The following EPCAM variants were observed in gnomAD, a reference collection of about 807,000 sequenced individuals.
EPCAM encodes adenocarcinoma-associated antigen.
Under a neutral mutation model 40.0 loss-of-function variants are expected in EPCAM, and 39 were observed. The observed-to-expected ratio is 0.98, with a 90% confidence interval of 0.76 to 1.27. The LOEUF is 1.27. Ranked by LOEUF, EPCAM falls within the 50% of genes most tolerant of loss-of-function variation. The probability of loss-of-function intolerance (pLI) is 0.00; values close to 1 mark genes in which losing one functional copy is unlikely to be tolerated. For missense variants in EPCAM, 503 were observed against 381.2 expected (o/e 1.32, Z -2.66); for synonymous variants, 168 against 132.3 (o/e 1.27, Z -1.85).
intron 1 of EPCAM, among the ~76,000 whole-genome samples, chr2:47,371,359 C>A (rs1005986461): frequency 6.6e-6 from 1 of 152,022 alleles, no homozygotes; most frequent in Non-Finnish European, 1.5e-5. Context: ...TTCCCAGGCT[C>A]AAGCGATGCT....
chr2:47,385,832 A>G (rs1215478053), intron 8 of EPCAM, among the ~76,000 whole-genome samples: 1 of 152,226 alleles, frequency 6.6e-6, no homozygotes, highest in Non-Finnish European at 1.5e-5. Flanking sequence ...TAATGGAACC[A>G]GAAAGTTCTA....
chr2:47,374,857 C>T (rs917501407), intron 3 of EPCAM, among the ~76,000 whole-genome samples: 2 of 152,066 alleles, frequency 1.3e-5, no homozygotes, highest in African/African-American at 4.8e-5. Context: ...AGGCTGGTCT[C>T]CAACTCCTGA....
At chr2:47,380,063 C>G (rs1671548842) in intron 7 of EPCAM, 94 bp downstream of exon 7, 1 of 1,541,142 alleles carries the variant, frequency 6.5e-7, no homozygotes, top group Non-Finnish European at 8.8e-7. Flanking sequence ...CACCTGTTAT[C>G]CCTACACTTT....
chr2:47,379,707 T>C (rs1671529237), intron 6 of EPCAM, 62 bp from the exon 7 acceptor site: 1 of 1,580,592 alleles, frequency 6.3e-7, no homozygotes, highest in South Asian at 1.1e-5. Flanking sequence ...TGTATGTAAT[T>C]ATATGTGGCC....
intron 7 of EPCAM, among the ~76,000 whole-genome samples, chr2:47,381,085 CAAAAAAAAAAAA>C (rs60299402): frequency 2.8e-4 from 11 of 39,016 alleles, no homozygotes; most frequent in East Asian, 8.3e-4. Context: ...GACTCTGTCT[CAAAAAAAAAAAA>C]AAAAAAAAAA....
chr2:47,385,661 C>T (rs1022257800), intron 8 of EPCAM, among the ~76,000 whole-genome samples: 7 of 152,182 alleles, frequency 4.6e-5, no homozygotes, highest in Admixed American at 4.6e-4. Flanking sequence ...TAGTGTGTTT[C>T]AGTCCCTTGG....
chr2:47,377,156 T>A, intron 5 of EPCAM, 79 bp downstream of exon 5: 1 of 955,512 alleles, frequency 1.0e-6, no homozygotes, highest in Non-Finnish European at 1.7e-6. Context: ...GCCAGTGATT[T>A]AAGTGGTGGT....
In EPCAM at chr2:47,377,678, C is replaced by G. The variant is rs1671462724; in HGVS notation, c.555+601C>G. 1.4e-5 allele frequency: 5 copies of G among 349,616 alleles called. No homozygotes were observed. The Admixed American group carries it at 2.2e-4, about 16-fold the overall frequency. The allele number at this position is 349,616 out of a possible 1,614,324, so 21.7% of individuals were successfully genotyped here. ...GAGAACCTGTCCCTGTGGATGAGCT[C>G]CAGTAACATCTTAAAGTAAATATGC... On this transcript the variant is annotated intron_variant, in intron 5 of 8. Transcript: ENST00000263735.
intron 6 of EPCAM, 77 bp from the exon 7 acceptor site, chr2:47,379,692 C>G (rs1671528452): frequency 6.6e-7 from 1 of 1,509,060 alleles, no homozygotes; most frequent in Non-Finnish European, 9.1e-7. Flanking sequence ...TTTTGGCATA[C>G]AATTTGTATG....
Position 47,373,720 on chromosome 2 carries a change from T to G in EPCAM, c.185-88T>G, listed in dbSNP as rs139539558. 1,379 of 1,568,838 alleles carry G rather than the reference T, an allele frequency of 8.8e-4. 15 individuals carry two copies. The African/African-American group carries it at 0.015, about 17-fold the overall frequency. On this transcript the variant is annotated intron_variant, in intron 2 of 8. Transcript: ENST00000263735. ...GAACACATAAATTTCAAATAATCTTTGACCCTGGAACTTTAGAGTTAATTT... is the reference window on the plus strand; with the variant it reads ...GAACACATAAATTTCAAATAATCTTGGACCCTGGAACTTTAGAGTTAATTT...
chr2:47,383,600 G>C (rs1422195127), intron 7 of EPCAM, among the ~76,000 whole-genome samples: 1 of 104,566 alleles, frequency 9.6e-6, no homozygotes, highest in Admixed American at 1.2e-4. Flanking sequence ...ACTGTGCCCG[G>C]CTTCTTCTTT....
chr2:47,370,233 C>A (rs910785402), intron 1 of EPCAM, among the ~76,000 whole-genome samples: 1 of 152,092 alleles, frequency 6.6e-6, no homozygotes, highest in African/African-American at 2.4e-5. Flanking sequence ...TTTGAGAATC[C>A]CATAATTAGT....
intron 1 of EPCAM, among the ~76,000 whole-genome samples, chr2:47,373,144 G>A (rs1028819275): frequency 1.4e-5 from 2 of 143,084 alleles, no homozygotes; most frequent in African/African-American, 2.6e-5. Context: ...GGTCCATGCT[G>A]CAGTAAACCA....
chr2:47,369,429 C>A lies in EPCAM; in HGVS notation c.-77C>A. The A allele has an allele frequency of 7.6e-7, 1 of 1,313,946 alleles. No homozygotes were observed. The highest frequency in any genetic ancestry group is 9.8e-7 in the Non-Finnish European group (1 of 1,015,950). 81.4% of individuals were successfully genotyped at this position (1,313,946 alleles called of 1,614,324 possible). ...GCCTCGCGCTGCCCGGCCGGCTCCT[C>A]GTGTCCCACTCCCGGCGCACGCCCT... On this transcript the variant is annotated 5_prime_UTR_variant, in exon 1 of 9. Coordinates refer to ENST00000263735, the MANE Select transcript of EPCAM (RefSeq NM_002354.3).
chr2:47,371,255 GTC>G (rs909319721), intron 1 of EPCAM, among the ~76,000 whole-genome samples: 179 of 151,916 alleles, frequency 1.2e-3, no homozygotes, highest in African/African-American at 4.2e-3. Flanking sequence ...CTTGGCTGCC[GTC>G]TCTCTCTCTC....
chr2:47,381,470 G>A (rs990406737), intron 7 of EPCAM, among the ~76,000 whole-genome samples: 13 of 150,526 alleles, frequency 8.6e-5, no homozygotes, highest in African/African-American at 2.9e-4. Context: ...TAGGAACTTA[G>A]ATTTCCAGTT....
Position 47,386,607 on chromosome 2 carries a change from T to C in EPCAM, c.939T>C (p.Asn313=), listed in dbSNP as rs1359533946. Residue 313 remains asparagine (N), a synonymous_variant, in exon 9 of 9, where the codon AAT becomes AAC. Coordinates refer to ENST00000263735, the MANE Select transcript of EPCAM (RefSeq NM_002354.3). ...KEMGEMHREL[N]A Reference sequence around the variant, plus strand: ...TGGGTGAGATGCATAGGGAACTCAATGCATAACTATATAATTTGAAGATTA... The same window carrying C: ...TGGGTGAGATGCATAGGGAACTCAACGCATAACTATATAATTTGAAGATTA... 6.2e-7 allele frequency: 1 copy of C among 1,603,434 alleles called. No individual in the cohort carries two copies. The highest frequency in any genetic ancestry group is 2.2e-5 in the East Asian group (1 of 44,782).
At position 47,379,987 on chromosome 2, in the gene EPCAM, A is replaced by G; in HGVS notation, c.858+18A>G. 6.3e-7 allele frequency: 1 copy of G among 1,597,362 alleles called. No homozygotes were observed. Among genetic ancestry groups the G allele is most frequent in the Non-Finnish European group, 8.5e-7 (1 of 1,170,878 alleles). ...TTGTGCTGGTGAGTACAGAACAAGT[A>G]AAATTTCATTTAAGGGTATATTTTT... On this transcript the variant is annotated intron_variant, in intron 7 of 8. Transcript: ENST00000263735.
Position 47,386,869 on chromosome 2 carries a change from T to C in EPCAM, c.*256T>C, listed in dbSNP as rs1671756611. On this transcript the variant is annotated 3_prime_UTR_variant, in exon 9 of 9. Coordinates refer to ENST00000263735, the MANE Select transcript of EPCAM (RefSeq NM_002354.3). The stretch of plus-strand genomic sequence containing the variant: ...AACTTGGACTCCATCGTTAAAATTA[T>C]TTATGTGTAACATTCAAATGTGTGC... The C allele has an allele frequency of 2.8e-6, 1 of 360,600 alleles. No homozygotes were observed. Among genetic ancestry groups the C allele is most frequent in the Non-Finnish European group, 5.0e-6 (1 of 198,564 alleles). The allele number at this position is 360,600 out of a possible 1,614,324, so 22.3% of individuals were successfully genotyped here. A position where few individuals can be genotyped will look rare whatever the true frequency, so the allele number is the denominator to read the frequency against.
Sources: allele counts gnomAD v4.1 joint callset (sites outside exome capture counted in the v4.1 genomes callset), GRCh38; gene constraint gnomAD v4.1.1; transcripts MANE v1.5; gene names NCBI Gene and HGNC (gene_info 2026-07-23, HGNC 2026-07-21).